Variants in TMEM132D observed in about 807,000 individuals in gnomAD.
TMEM132D encodes the protein mature OL transmembrane protein.
In TMEM132D, 21 loss-of-function variants were observed where a neutral mutation model predicts 62.3. The observed-to-expected ratio is 0.34, with a 90% confidence interval of 0.24 to 0.49. The LOEUF (loss-of-function observed/expected upper bound fraction) is 0.49, where lower values mean the gene tolerates loss of function less well. Ranked by LOEUF, TMEM132D falls within the 20% of genes least tolerant of loss-of-function variation. TMEM132D has a pLI of 0.99. For missense variants in TMEM132D, 1,346 were observed against 1,402.8 expected (o/e 0.96, Z 0.65); for synonymous variants, 621 against 575.6 (o/e 1.08, Z -1.13).
At chr12:129,379,853 A>C (rs989155140) in intron 3 of TMEM132D, among the ~76,000 whole-genome samples, 5 of 152,222 alleles carry the variant, frequency 3.3e-5, no homozygotes, top group Non-Finnish European at 7.3e-5. Context: ...TTGAGGTAAG[A>C]GGGCCACACT....
rs773867246 is a variant in TMEM132D at position 129,699,994 on chromosome 12, G to C, written c.784C>G (p.Pro262Ala). The C allele has an allele frequency of 6.2e-7, 1 of 1,614,050 alleles. No homozygotes were observed. Reference sequence around the variant, plus strand: ...ATGCTCCCGATCCTCTGCAAGGGGGGCCCGGACTCATCGATGTCACTGTGG... The same window carrying C: ...ATGCTCCCGATCCTCTGCAAGGGGGCCCCGGACTCATCGATGTCACTGTGG... Reference protein sequence around the residue: ...TGHSDIDESGPPLQRIGSIFL... With the variant: ...TGHSDIDESGAPLQRIGSIFL... The change falls in exon 2 of 9, where the codon CCC (proline) becomes GCC (alanine). Residue 262 changes from proline to alanine, a missense_variant. Physicochemically the swap from Pro to Ala is conservative, Grantham distance 27. Coordinates refer to ENST00000422113, the MANE Select transcript of TMEM132D (RefSeq NM_133448.3).
At chr12:129,300,880 AT>A (rs1881699161) in intron 4 of TMEM132D, among the ~76,000 whole-genome samples, 1 of 152,160 alleles carries the variant, frequency 6.6e-6, no homozygotes, top group Non-Finnish European at 1.5e-5. Context: ...TGACCCGTTC[AT>A]TTCATTCCTC....
At chr12:129,480,208 G>C (rs543731946) in intron 3 of TMEM132D, among the ~76,000 whole-genome samples, 6 of 152,250 alleles carry the variant, frequency 3.9e-5, no homozygotes, top group Non-Finnish European at 8.8e-5. Context: ...CAAGGGAGAG[G>C]AAGAAGGTGC....
At chr12:129,170,589 C>T (rs1364577188) in intron 5 of TMEM132D, among the ~76,000 whole-genome samples, 2 of 152,086 alleles carry the variant, frequency 1.3e-5, no homozygotes, top group Non-Finnish European at 2.9e-5. Context: ...CTTTTGTGGG[C>T]CGAGGCAGGC....
At chr12:129,150,011 G>A (rs1291099463) in intron 5 of TMEM132D, among the ~76,000 whole-genome samples, 2 of 152,194 alleles carry the variant, frequency 1.3e-5, no homozygotes, top group South Asian at 4.1e-4. Flanking sequence ...AATGACTGAC[G>A]TATTCATTGC....
intron 2 of TMEM132D, among the ~76,000 whole-genome samples, chr12:129,644,145 A>G (rs1879708885): frequency 6.6e-6 from 1 of 152,106 alleles, no homozygotes; most frequent in Non-Finnish European, 1.5e-5. Flanking sequence ...CTTCTTACAC[A>G]TATTGATTAA....
intron 1 of TMEM132D, among the ~76,000 whole-genome samples, chr12:129,789,357 G>A (rs866124608): frequency 1.7e-4 from 26 of 152,232 alleles, no homozygotes; most frequent in African/African-American, 5.8e-4. Flanking sequence ...TAGAATAATG[G>A]TCTTCAACCC....
intron 4 of TMEM132D, among the ~76,000 whole-genome samples, chr12:129,313,544 G>GATAT (rs201591793): frequency 2.9e-5 from 4 of 137,436 alleles, no homozygotes; most frequent in Non-Finnish European, 3.2e-5. Context: ...ATATGTATAT[G>GATAT]ATATATATAT....
chr12:129,634,163 A>G (rs377669793), intron 2 of TMEM132D, among the ~76,000 whole-genome samples: 2 of 152,146 alleles, frequency 1.3e-5, no homozygotes, highest in East Asian at 1.9e-4. Context: ...TCCCCGGCAC[A>G]CACACTGGGT....
intron 5 of TMEM132D, among the ~76,000 whole-genome samples, chr12:129,205,767 T>G (rs1422889221): frequency 6.6e-6 from 1 of 151,374 alleles, no homozygotes; most frequent in Admixed American, 6.6e-5. Flanking sequence ...TAATCAGACA[T>G]AAAACAATCC....
At chr12:129,198,647 A>T (rs1878609554) in intron 5 of TMEM132D, among the ~76,000 whole-genome samples, 1 of 152,232 alleles carries the variant, frequency 6.6e-6, no homozygotes, top group Non-Finnish European at 1.5e-5. Flanking sequence ...TGGTCACTAC[A>T]GACGTTGAGG....
intron 4 of TMEM132D, among the ~76,000 whole-genome samples, chr12:129,331,906 T>A (rs2135652092): frequency 6.6e-6 from 1 of 152,308 alleles, no homozygotes; most frequent in South Asian, 2.1e-4. Context: ...GGACTCCAAC[T>A]TTTCCAAGAC....
At chr12:129,344,027 A>G (rs1869603610) in intron 3 of TMEM132D, among the ~76,000 whole-genome samples, 1 of 152,214 alleles carries the variant, frequency 6.6e-6, no homozygotes, top group Admixed American at 6.5e-5. Context: ...GTAGCAGAAC[A>G]CATTTCTCCA....
At chr12:129,141,126 C>T (rs1169291102) in intron 5 of TMEM132D, among the ~76,000 whole-genome samples, 2 of 152,176 alleles carry the variant, frequency 1.3e-5, no homozygotes, top group African/African-American at 2.4e-5. Flanking sequence ...AAAAGCTTTG[C>T]TTTCTGCGAA....
intron 3 of TMEM132D, among the ~76,000 whole-genome samples, chr12:129,361,492 G>A (rs1870247217): frequency 6.6e-6 from 1 of 151,762 alleles, no homozygotes; most frequent in South Asian, 2.1e-4. Flanking sequence ...CTGCAGGCAG[G>A]GAAGACATAT....
chr12:129,287,052 A>T (rs925324724), intron 4 of TMEM132D, among the ~76,000 whole-genome samples: 45 of 151,966 alleles, frequency 3.0e-4, no homozygotes, highest in Non-Finnish European at 3.7e-4. Flanking sequence ...TGTCAAAAAA[A>T]AAAAAGGGAG....
chr12:129,256,778 A>G (rs558142288), intron 4 of TMEM132D, among the ~76,000 whole-genome samples: 2 of 152,138 alleles, frequency 1.3e-5, no homozygotes, highest in Non-Finnish European at 2.9e-5. Flanking sequence ...GCTGGTCTCA[A>G]ACAGGATCTT....
intron 3 of TMEM132D, among the ~76,000 whole-genome samples, chr12:129,440,475 G>A (rs907389093): frequency 3.9e-5 from 6 of 152,252 alleles, no homozygotes; most frequent in Admixed American, 1.3e-4. Flanking sequence ...ATCATGTGGC[G>A]CGTGGAGGCA....
chr12:129,290,911 C>T (rs1043093807), intron 4 of TMEM132D, among the ~76,000 whole-genome samples: 16 of 152,130 alleles, frequency 1.1e-4, no homozygotes, highest in African/African-American at 3.6e-4. Flanking sequence ...AGGATTCAGT[C>T]CCAGAGTCAG....
Sources: allele counts gnomAD v4.1 joint callset (sites outside exome capture counted in the v4.1 genomes callset), GRCh38; gene constraint gnomAD v4.1.1; transcripts MANE v1.5; gene names NCBI Gene and HGNC (gene_info 2026-07-23, HGNC 2026-07-21).